SLC35F1: variants seen among roughly 807,000 people sequenced by gnomAD.
SLC35F1 encodes solute carrier family 35 member F1.
A neutral mutation model predicts 48.7 loss-of-function variants in SLC35F1; 14 were observed. The observed-to-expected ratio is 0.29, with a 90% CI of 0.19 to 0.45. The LOEUF (loss-of-function observed/expected upper bound fraction) is 0.45. Ranked by LOEUF, SLC35F1 falls within the 20% of genes least tolerant of loss-of-function variation. The probability of loss-of-function intolerance (pLI) is 1.00; values close to 1 mark genes in which losing one functional copy is unlikely to be tolerated. For synonymous variants in SLC35F1, 190 were observed against 202.2 expected, an observed-to-expected ratio of 0.94 and a Z score of 0.51; for missense variants, 404 against 500.0, an observed-to-expected ratio of 0.81 and a Z score of 1.83.
At chr6:117,998,598 A>G (rs1338830954) in intron 1 of SLC35F1, among the ~76,000 whole-genome samples, 7 of 148,094 alleles carry the variant, frequency 4.7e-5, no homozygotes, top group Admixed American at 1.3e-4. Context: ...GTGCAATCCA[A>G]CTAGAACTCA....
At chr6:118,212,132 G>A (rs1351987441) in intron 2 of SLC35F1, among the ~76,000 whole-genome samples, 1 of 152,156 alleles carries the variant, frequency 6.6e-6, no homozygotes, top group African/African-American at 2.4e-5. Context: ...TGTCATTCAA[G>A]CTAGGCCAAA....
chr6:118,136,496 T>C (rs908675454), intron 1 of SLC35F1, among the ~76,000 whole-genome samples: 1 of 152,210 alleles, frequency 6.6e-6, no homozygotes, highest in Non-Finnish European at 1.5e-5. Flanking sequence ...AATTTTATCA[T>C]AGTTGAGTCA....
Position 118,314,572 on chromosome 6 carries a change from G to T in SLC35F1, c.*320G>T. The T allele has an allele frequency of 3.3e-6, 1 of 307,242 alleles. No individual in the cohort carries two copies. Among genetic ancestry groups the T allele is most frequent in the Non-Finnish European group, 6.2e-6 (1 of 161,542 alleles). The allele number at this position is 307,242 out of a possible 1,614,324, so 19.0% of individuals were successfully genotyped here. A position where few individuals can be genotyped will look rare whatever the true frequency, so the allele number is the denominator to read the frequency against. On this transcript the variant is annotated 3_prime_UTR_variant, in exon 8 of 8. Transcript: ENST00000360388. ...TTGTATTATTATTATTGCTGTTACT[G>T]TTATTACACCAACTTTCAGGAGGAT...
At chr6:118,159,414 G>A (rs1188425225) in intron 2 of SLC35F1, among the ~76,000 whole-genome samples, 1 of 151,950 alleles carries the variant, frequency 6.6e-6, no homozygotes, top group East Asian at 1.9e-4. Flanking sequence ...AAGTTAGTTA[G>A]GAAATTAAAA....
chr6:118,091,046 G>A (rs534923505), intron 1 of SLC35F1, among the ~76,000 whole-genome samples: 19 of 152,224 alleles, frequency 1.2e-4, no homozygotes, highest in East Asian at 3.9e-4. Context: ...AAAGATGTCC[G>A]GATGACACAT....
chr6:118,277,249 A>G (rs1775928855), intron 5 of SLC35F1, among the ~76,000 whole-genome samples: 1 of 152,218 alleles, frequency 6.6e-6, no homozygotes, highest in African/African-American at 2.4e-5. Context: ...TTGGGTGAGA[A>G]GAGCAGGAAG....
At chr6:118,216,502 A>G (rs572690735) in intron 2 of SLC35F1, among the ~76,000 whole-genome samples, 14 of 152,132 alleles carry the variant, frequency 9.2e-5, no homozygotes, top group East Asian at 1.9e-4. Context: ...AGAAAGACCA[A>G]TGGAGAATGT....
At chr6:118,010,050 T>C (rs1777224671) in intron 1 of SLC35F1, among the ~76,000 whole-genome samples, 2 of 152,278 alleles carry the variant, frequency 1.3e-5, no homozygotes, top group African/African-American at 4.8e-5. Flanking sequence ...TATTGTTATT[T>C]AGGATTCTTT....
chr6:118,162,275 A>T (rs1487088573), intron 2 of SLC35F1, among the ~76,000 whole-genome samples: 1 of 152,236 alleles, frequency 6.6e-6, no homozygotes, highest in Admixed American at 6.5e-5. Context: ...AAGTTTACAT[A>T]GTATATAATT....
Position 118,147,240 on chromosome 6 carries a change from C to T in SLC35F1, c.174-7205C>T, listed in dbSNP as rs570365329. ...CCTACTGGTCAGGTGCAGTAATTCC[C>T]CTGCACGTTCCAGTTGCTCATGAGT... On this transcript the variant is annotated intron_variant, in intron 1 of 7. Transcript: ENST00000360388. Among the ~76,000 whole-genome samples the T allele has an allele frequency of 5.3e-4, 81 of 152,252 alleles. 1 individual carries two copies. Among genetic ancestry groups the T allele is most frequent in the African/African-American group, 1.9e-3 (77 of 41,546 alleles).
chr6:118,231,006 A>G (rs1197916243), intron 2 of SLC35F1, among the ~76,000 whole-genome samples: 1 of 152,046 alleles, frequency 6.6e-6, no homozygotes, highest in Non-Finnish European at 1.5e-5. Flanking sequence ...AAAAACAACA[A>G]CAAAAAAACA....
intron 1 of SLC35F1, among the ~76,000 whole-genome samples, chr6:118,030,025 G>A (rs1323614321): frequency 2.0e-5 from 3 of 152,188 alleles, no homozygotes; most frequent in African/African-American, 7.2e-5. Context: ...TAAAAGTAAA[G>A]TAGGGAAAGG....
At chr6:117,917,082 C>T (rs1183482440) in intron 1 of SLC35F1, among the ~76,000 whole-genome samples, 1 of 152,112 alleles carries the variant, frequency 6.6e-6, no homozygotes, top group African/African-American at 2.4e-5. Context: ...GGTGGTACTT[C>T]AATTTGGCTG....
chr6:118,252,299 C>T (rs146959533), intron 3 of SLC35F1, among the ~76,000 whole-genome samples: 31 of 151,958 alleles, frequency 2.0e-4, no homozygotes, highest in African/African-American at 6.5e-4. Flanking sequence ...TGCTAACTGT[C>T]GATGTGGATA....
chr6:118,291,453 G>A (rs149603951), intron 7 of SLC35F1, among the ~76,000 whole-genome samples: 1 of 152,046 alleles, frequency 6.6e-6, no homozygotes, highest in Non-Finnish European at 1.5e-5. Context: ...CTGGATACCC[G>A]ACTCTTATCA....
At chr6:118,068,798 G>T (rs772501658) in intron 1 of SLC35F1, among the ~76,000 whole-genome samples, 9 of 152,178 alleles carry the variant, frequency 5.9e-5, no homozygotes, top group Non-Finnish European at 1.5e-5. Flanking sequence ...GGTTGGTGTT[G>T]ATTGCAGACA....
chr6:117,982,219 T>G (rs9481753), intron 1 of SLC35F1, among the ~76,000 whole-genome samples: 61,451 of 152,044 alleles, frequency 0.4, 12,773 homozygotes, highest in South Asian at 0.54. Flanking sequence ...TTATAGGAAA[T>G]GAAGTAATTT....
At chr6:118,303,617 G>A (rs905209487) in intron 7 of SLC35F1, among the ~76,000 whole-genome samples, 1 of 152,146 alleles carries the variant, frequency 6.6e-6, no homozygotes. Flanking sequence ...TTCTCTGAGG[G>A]GTTGGTGTTT....
At chr6:118,309,701 G>A (rs1238103410) in intron 7 of SLC35F1, among the ~76,000 whole-genome samples, 1 of 152,194 alleles carries the variant, frequency 6.6e-6, no homozygotes, top group Admixed American at 6.5e-5. Context: ...TCATTAGTTT[G>A]TTAAAATTCA....
Sources: gnomAD v4.1 joint callset for allele counts (sites outside exome capture counted in the v4.1 genomes callset) on GRCh38, gnomAD v4.1.1 for gene constraint, MANE v1.5 for transcripts, NCBI Gene and HGNC (gene_info 2026-07-23, HGNC 2026-07-21) for gene names.